The following GBF1 variants were observed in gnomAD, a reference collection of about 807,000 sequenced individuals.
The protein encoded by GBF1 is Golgi-specific brefeldin A-resistance guanine nucleotide exchange factor 1.
A neutral mutation model predicts 210.5 loss-of-function variants in GBF1; 114 were observed. That is an observed-to-expected ratio of 0.54 (90% CI 0.47 to 0.63). The LOEUF (loss-of-function observed/expected upper bound fraction) is 0.63, where lower values mean the gene tolerates loss of function less well. GBF1 is among the 30% of genes least tolerant of loss of function. The pLI, the probability that GBF1 is intolerant of heterozygous loss-of-function variation, is 0.00. For synonymous variants in GBF1, 850 were observed against 889.2 expected, an observed-to-expected ratio of 0.96 and a Z score of 0.78; for missense variants, 1,851 against 2,357.7, an observed-to-expected ratio of 0.79 and a Z score of 4.45.
chr10:102,354,365 C>T (rs1012628982), intron 8 of GBF1, among the ~76,000 whole-genome samples: 3 of 152,140 alleles, frequency 2.0e-5, no homozygotes, highest in African/African-American at 4.8e-5. Context: ...GCCTGTCTTT[C>T]GCAGATATCT....
chr10:102,238,188 C>G, the GBF1 span, among the ~76,000 whole-genome samples: 1 of 152,230 alleles, frequency 6.6e-6, no homozygotes, highest in Admixed American at 6.5e-5. Flanking sequence ...TTCATGAGTC[C>G]CTGGCAGTGG....
At chr10:102,336,299 C>CAAAAAAAAA (rs566414701) in intron 3 of GBF1, among the ~76,000 whole-genome samples, 3 of 48,976 alleles carry the variant, frequency 6.1e-5, no homozygotes, top group Non-Finnish European at 1.3e-4. Flanking sequence ...GACTTTGTCT[C>CAAAAAAAAA]AAAAAAAAAA....
At chr10:102,271,603 C>T (rs972924363) in intron 3 of GBF1, among the ~76,000 whole-genome samples, 14 of 150,294 alleles carry the variant, frequency 9.3e-5, no homozygotes, top group Admixed American at 4.0e-4. Context: ...TTGTCTGTGT[C>T]CTTGTGGTAT....
chr10:102,358,877 T>C (rs76633616), intron 10 of GBF1, 148 bp downstream of exon 10: 29,937 of 624,374 alleles, frequency 0.048, 840 homozygotes, highest in Non-Finnish European at 0.06. Context: ...TCAGAATTGG[T>C]TGTACTGCCT....
At chr10:102,337,193 G>A (rs1286095178) in intron 3 of GBF1, among the ~76,000 whole-genome samples, 4 of 151,724 alleles carry the variant, frequency 2.6e-5, no homozygotes, top group South Asian at 2.1e-4. Context: ...CCTGGCTAAC[G>A]CGGCGAAACC....
At chr10:102,253,184 T>C (rs4919622) in intron 1 of GBF1, among the ~76,000 whole-genome samples, 102,136 of 152,070 alleles carry the variant, frequency 0.67, 34,931 homozygotes, top group African/African-American at 0.81. Context: ...CATGAGCCAC[T>C]GCCCCCAGCC....
the GBF1 span, among the ~76,000 whole-genome samples, chr10:102,235,670 G>C: frequency 2.6e-5 from 4 of 152,080 alleles, no homozygotes; most frequent in African/African-American, 9.7e-5. Context: ...CACATTCTAT[G>C]AGCTGGGCAT....
Position 102,251,478 on chromosome 10 carries a change from G to A in GBF1, c.-11+5697G>A, listed in dbSNP as rs2071521149. On this transcript the variant is annotated intron_variant, in intron 1 of 39. Transcript: ENST00000369983. ...AATAAATCATGGTCTTTCCCCCTGA[G>A]ATAGAGCCTGATAGTCCCATGGTGG... is the stretch of plus-strand genomic sequence containing the variant. Among the ~76,000 whole-genome samples, 3 of 152,144 alleles carry A rather than the reference G, an allele frequency of 2.0e-5. No homozygotes were observed. In the South Asian group the frequency reaches 6.2e-4, roughly 32 times the overall value.
At position 102,376,320 on chromosome 10, in the gene GBF1, G is replaced by A. The variant is rs762134491; in HGVS notation, c.3935G>A (p.Ser1312Asn). The A allele has an allele frequency of 9.9e-6, 16 of 1,613,902 alleles. 1 individual carries two copies. In the South Asian group the frequency reaches 1.6e-4, roughly 17 times the overall value. ...ELPSYHQNDV[S>N]LDRGYTSDSE... ...CCATCCTACCATCAGAATGACGTGA[G>A]CCTGGATCGAGGGTACACTTCCGAC... Residue 1312 changes from serine to asparagine, a missense_variant, in exon 31 of 40, where the codon AGC becomes AAC. Physicochemically the swap from Ser to Asn is conservative, Grantham distance 46. Transcript: ENST00000369983.
intron 1 of GBF1, among the ~76,000 whole-genome samples, chr10:102,254,686 A>C (rs974428118): frequency 5.9e-5 from 9 of 152,148 alleles, no homozygotes; most frequent in Non-Finnish European, 1.3e-4. Context: ...TTATCTGGCT[A>C]AGGGTGTTAG....
chr10:102,262,949 G>A (rs1208276423), intron 3 of GBF1, among the ~76,000 whole-genome samples: 1 of 152,182 alleles, frequency 6.6e-6, no homozygotes, highest in Admixed American at 6.5e-5. Flanking sequence ...GGAGTGAGAG[G>A]GAAGGGAGTA....
At position 102,367,572 on chromosome 10, in the gene GBF1, T is replaced by A; in HGVS notation, c.2642+12T>A. ...TACCATGCCATCAAGTGAGTATACA[T>A]AGAGAATAGTGCAGTATCTCTGTTA... On this transcript the variant is annotated intron_variant, in intron 21 of 39. Transcript: ENST00000369983. 7.3e-7 allele frequency: 1 copy of A among 1,375,942 alleles called. No individual in the cohort carries two copies. The highest frequency in any genetic ancestry group is 1.7e-5 in the Admixed American group (1 of 59,766). 85.2% of individuals were successfully genotyped at this position (1,375,942 alleles called of 1,614,324 possible).
chr10:102,296,996 C>T (rs1184212186), intron 3 of GBF1, among the ~76,000 whole-genome samples: 2 of 150,334 alleles, frequency 1.3e-5, no homozygotes, highest in Non-Finnish European at 3.0e-5. Context: ...AGTGAGCCTA[C>T]GTCGCACTAC....
intron 3 of GBF1, among the ~76,000 whole-genome samples, chr10:102,316,883 T>A (rs2078981751): frequency 6.6e-6 from 1 of 152,158 alleles, no homozygotes; most frequent in Non-Finnish European, 1.5e-5. Flanking sequence ...GGATGAGGGA[T>A]TTGAATGCAG....
intron 17 of GBF1, among the ~76,000 whole-genome samples, 198 bp from the exon 18 acceptor site, chr10:102,365,199 C>T (rs1228972605): frequency 2.0e-5 from 3 of 152,142 alleles, no homozygotes; most frequent in Non-Finnish European, 2.9e-5. Context: ...AAAAAGAGCT[C>T]GTAAGCCAAT....
At position 102,284,342 on chromosome 10, in the gene GBF1, A is replaced by G. The variant is rs147772033; in HGVS notation, c.163+24226A>G. On this transcript the variant is annotated intron_variant, in intron 3 of 39. Transcript: ENST00000369983. ...TATAGTGGCATTTAGTACATTCACA[A>G]TGTACCCTATCTAATTCCAAAACAT... 2.0e-5 allele frequency among the ~76,000 whole-genome samples: 3 copies of G among 152,318 alleles called. No homozygotes were observed. The East Asian group carries it at 5.8e-4, about 29-fold the overall frequency.
chr10:102,380,062 AC>A, intron 36 of GBF1, 108 bp downstream of exon 36: 1 of 790,040 alleles, frequency 1.3e-6, no homozygotes, highest in Non-Finnish European at 2.2e-6. Flanking sequence ...GGTGCTCACA[AC>A]CCCCCAGCTA....
At chr10:102,270,436 C>T (rs934319035) in intron 3 of GBF1, among the ~76,000 whole-genome samples, 4 of 152,208 alleles carry the variant, frequency 2.6e-5, no homozygotes, top group Non-Finnish European at 4.4e-5. Context: ...GTGTGAGCCA[C>T]TGTGCCCGGA....
intron 3 of GBF1, among the ~76,000 whole-genome samples, chr10:102,321,698 T>C (rs965840802): frequency 1.4e-4 from 21 of 151,996 alleles, no homozygotes; most frequent in African/African-American, 4.8e-4. Context: ...GCCTCCCGAG[T>C]AGCTGGGACC....
Sources: gnomAD v4.1 joint callset for allele counts (sites outside exome capture counted in the v4.1 genomes callset) on GRCh38, gnomAD v4.1.1 for gene constraint, MANE v1.5 for transcripts, NCBI Gene and HGNC (gene_info 2026-07-23, HGNC 2026-07-21) for gene names.